ANKFY1: variants seen among roughly 807,000 people sequenced by gnomAD.
ANKFY1 encodes the protein ankyrin repeat and FYVE domain containing 1, also known as ankyrin repeat and FYVE domain-containing protein 1.
Under a neutral mutation model 128.3 loss-of-function variants are expected in ANKFY1, and 47 were observed. The ratio of observed to expected loss-of-function variants is 0.37; its 90% CI spans 0.29 to 0.47. The LOEUF (loss-of-function observed/expected upper bound fraction) is 0.47, where lower values mean the gene tolerates loss of function less well. Among genes scored for constraint, ANKFY1 ranks in the 20% least tolerant of loss-of-function variants. The probability of loss-of-function intolerance (pLI) is 1.00; values close to 1 mark genes in which losing one functional copy is unlikely to be tolerated. For synonymous variants in ANKFY1, 553 were observed against 601.6 expected, an observed-to-expected ratio of 0.92 and a Z score of 1.18; for missense variants, 1,222 against 1,510.6, an observed-to-expected ratio of 0.81 and a Z score of 3.17.
chr17:4,179,176 T>A, intron 17 of ANKFY1, 119 bp from the exon 18 acceptor site: 1 of 1,089,660 alleles, frequency 9.2e-7, no homozygotes, highest in Non-Finnish European at 1.3e-6. Flanking sequence ...ACTACCACCC[T>A]GTGTTTGACT....
chr17:4,205,186 G>C (rs914051634), intron 7 of ANKFY1, among the ~76,000 whole-genome samples: 2 of 152,090 alleles, frequency 1.3e-5, no homozygotes, highest in South Asian at 2.1e-4. Context: ...TGATGTCTAC[G>C]TGTAAGTAAA....
intron 3 of ANKFY1, chr17:4,222,866 G>T: frequency 1.0e-6 from 1 of 963,630 alleles, no homozygotes; most frequent in Non-Finnish European, 1.7e-6. Context: ...AGACGACTCA[G>T]TATCCGAGAG....
rs544244653 is a variant in ANKFY1 at position 4,172,797 on chromosome 17, C to T, written c.3015-117G>A. On this transcript the variant is annotated intron_variant, in intron 21 of 24. Coordinates refer to ENST00000341657, the MANE Select transcript of ANKFY1 (RefSeq NM_001330063.2). Reference sequence around the variant, plus strand: ...TAAATCTAAAAGACACAAAACAAGTCACAAAAGTTTTTCTTTTTCTTATTT... The same window carrying T: ...TAAATCTAAAAGACACAAAACAAGTTACAAAAGTTTTTCTTTTTCTTATTT... The T allele has an allele frequency of 8.8e-6, 12 of 1,370,544 alleles. No individual in the cohort carries two copies. The South Asian group carries it at 1.6e-4, about 18-fold the overall frequency. 84.9% of individuals were successfully genotyped at this position (1,370,544 alleles called of 1,614,324 possible).
rs374912686 is a variant in ANKFY1 at position 4,164,710 on chromosome 17, C to T, written c.*3069G>A. ...CAAGACGTTCCCTCCACTCCGTGCC[C>T]GTGGAGAAGATTAGTGCAGAAACGG... On this transcript the variant is annotated 3_prime_UTR_variant, in exon 25 of 25. Coordinates refer to ENST00000341657, the MANE Select transcript of ANKFY1 (RefSeq NM_001330063.2). 57 of 152,410 alleles carry T rather than the reference C, an allele frequency of 3.7e-4. No individual in the cohort carries two copies. The highest frequency in any genetic ancestry group is 1.3e-3 in the African/African-American group (55 of 41,552). 9.4% of individuals were successfully genotyped at this position (152,410 alleles called of 1,614,324 possible). A position where few individuals can be genotyped will look rare whatever the true frequency, so the allele number is the denominator to read the frequency against.
chr17:4,206,055 T>A (rs1476643093), intron 7 of ANKFY1, among the ~76,000 whole-genome samples: 1 of 152,224 alleles, frequency 6.6e-6, no homozygotes, highest in African/African-American at 2.4e-5. Context: ...TGCTTACAAG[T>A]AAAAGGTACT....
intron 4 of ANKFY1, among the ~76,000 whole-genome samples, chr17:4,215,244 TGC>T (rs969273958): frequency 2.8e-5 from 4 of 145,154 alleles, no homozygotes; most frequent in Admixed American, 7.2e-5. Context: ...GCCAAGACTG[TGC>T]CATTGCACTC....
intron 2 of ANKFY1, among the ~76,000 whole-genome samples, chr17:4,236,629 C>T (rs2143303149): frequency 6.6e-6 from 1 of 152,266 alleles, no homozygotes; most frequent in South Asian, 2.1e-4. Context: ...AGATGACCCA[C>T]TAGGCTGACA....
At chr17:4,219,883 G>A (rs535148418) in intron 3 of ANKFY1, among the ~76,000 whole-genome samples, 8 of 152,026 alleles carry the variant, frequency 5.3e-5, no homozygotes, top group South Asian at 4.2e-4. Context: ...GTGCAGTGGC[G>A]CGATCTGAGC....
intron 3 of ANKFY1, among the ~76,000 whole-genome samples, 154 bp downstream of exon 3, chr17:4,235,618 A>T (rs751271444): frequency 2.0e-5 from 3 of 152,206 alleles, no homozygotes; most frequent in Non-Finnish European, 2.9e-5. Flanking sequence ...CAACCTGCTG[A>T]TTCATTAATT....
intron 16 of ANKFY1, 68 bp from the exon 17 acceptor site, chr17:4,179,945 A>G (rs918830537): frequency 4.4e-6 from 7 of 1,582,358 alleles, no homozygotes; most frequent in Non-Finnish European, 6.0e-6. Context: ...GCTGATTACA[A>G]ATGTAAAGCA....
intron 21 of ANKFY1, among the ~76,000 whole-genome samples, chr17:4,173,142 C>T (rs2059352680): frequency 6.6e-6 from 1 of 152,250 alleles, no homozygotes; most frequent in Non-Finnish European, 1.5e-5. Context: ...AGGCGCGAGC[C>T]ACTGCGCCCG....
chr17:4,208,218 C>A, intron 5 of ANKFY1, 136 bp from the exon 6 acceptor site: 1 of 748,852 alleles, frequency 1.3e-6, no homozygotes, highest in Non-Finnish European at 2.0e-6. Flanking sequence ...TTATTTCTCC[C>A]CAAAACCCAA....
chr17:4,256,244 G>T (rs184883392), intron 1 of ANKFY1, among the ~76,000 whole-genome samples: 45 of 152,086 alleles, frequency 3.0e-4, no homozygotes, highest in South Asian at 6.2e-4. Context: ...CTGGCTAACA[G>T]AGTGAAACCC....
chr17:4,261,632 T>C (rs1413003241), intron 1 of ANKFY1, among the ~76,000 whole-genome samples: 1 of 152,226 alleles, frequency 6.6e-6, no homozygotes, highest in Non-Finnish European at 1.5e-5. Flanking sequence ...CTCAAGGCGC[T>C]TGCCGGATGA....
intron 3 of ANKFY1, among the ~76,000 whole-genome samples, chr17:4,224,957 T>A (rs9908670): frequency 0.25 from 37,566 of 149,854 alleles, 5,389 homozygotes; most frequent in Non-Finnish European, 0.32. Context: ...TTTTTTTTTT[T>A]AAATAAACTG....
intron 11 of ANKFY1, chr17:4,187,938 G>A (rs1327549262): frequency 1.3e-5 from 2 of 152,346 alleles, no homozygotes; most frequent in Non-Finnish European, 2.9e-5. Context: ...AAAGTTTTGG[G>A]ATTACAGGCG....
rs373777995 is a variant in ANKFY1 at position 4,181,258 on chromosome 17, G to A, written c.2236C>T (p.Arg746Cys). Residue 746 changes from arginine (R) to cysteine (C), a missense_variant, in exon 16 of 25, where the codon CGC becomes TGC. By Grantham distance (180) the Arg-to-Cys change is radical. Coordinates refer to ENST00000341657, the MANE Select transcript of ANKFY1 (RefSeq NM_001330063.2). This position sits in a 1 kb window ranked among gnomAD's most constrained non-coding sequence, Gnocchi z 4.9. Reference sequence around the variant, plus strand: ...AGATACTGGGGACTCTCAGACCTGCGAATAAGAAAGCAGGCGGTGGGCTCG... The same window carrying A: ...AGATACTGGGGACTCTCAGACCTGCAAATAAGAAAGCAGGCGGTGGGCTCG... ...NNEPTACFLIRSGCDVNSPRQ... is the reference protein window; with the variant it reads ...NNEPTACFLICSGCDVNSPRQ... 9.3e-6 allele frequency: 15 copies of A among 1,613,308 alleles called. No individual in the cohort carries two copies. The highest frequency in any genetic ancestry group is 4.0e-5 in the African/African-American group (3 of 74,918).
At chr17:4,238,772 T>G (rs183458243) in intron 2 of ANKFY1, among the ~76,000 whole-genome samples, 3 of 151,200 alleles carry the variant, frequency 2.0e-5, no homozygotes, top group African/African-American at 7.3e-5. Context: ...AGCCTTGTTT[T>G]TTTTTTAGAC....
At chr17:4,246,147 T>C (rs999606219) in intron 1 of ANKFY1, among the ~76,000 whole-genome samples, 3 of 152,168 alleles carry the variant, frequency 2.0e-5, no homozygotes, top group African/African-American at 4.8e-5. Context: ...AGCACTCTGA[T>C]AGGGGATACA....
Sources: allele counts gnomAD v4.1 joint callset (sites outside exome capture counted in the v4.1 genomes callset), GRCh38; gene constraint gnomAD v4.1.1; non-coding constraint Gnocchi (gnomAD v3.1); transcripts MANE v1.5; gene names NCBI Gene and HGNC (gene_info 2026-07-23, HGNC 2026-07-21).